Variants in ADCY5 observed in about 807,000 individuals in gnomAD.
ADCY5 encodes adenylate cyclase 5.
In ADCY5, 30 loss-of-function variants were observed where a neutral mutation model predicts 119.7. The ratio of observed to expected loss-of-function variants is 0.25; its 90% CI spans 0.19 to 0.34. The LOEUF (loss-of-function observed/expected upper bound fraction) is 0.34, where lower values mean the gene tolerates loss of function less well. ADCY5 is among the 10% of genes least tolerant of loss of function. ADCY5 has a pLI of 1.00. For synonymous variants in ADCY5, 753 were observed against 762.2 expected, an observed-to-expected ratio of 0.99 and a Z score of 0.20; for missense variants, 1,324 against 1,775.2, an observed-to-expected ratio of 0.75 and a Z score of 4.57.
chr3:123,407,012 C>T (rs2107617670), intron 1 of ADCY5, among the ~76,000 whole-genome samples: 1 of 152,300 alleles, frequency 6.6e-6, no homozygotes, highest in South Asian at 2.1e-4. Flanking sequence ...TGAAACCGTC[C>T]ACACCCAGAC....
At position 123,286,984 on chromosome 3, in the gene ADCY5, C is replaced by T; in HGVS notation, c.3533-175G>A. 1.2e-6 allele frequency: 1 copy of T among 833,760 alleles called. No homozygotes were observed. Among genetic ancestry groups the T allele is most frequent in the Non-Finnish European group, 1.7e-6 (1 of 572,626 alleles). The allele number at this position is 833,760 out of a possible 1,614,324, so 51.6% of individuals were successfully genotyped here. A position where few individuals can be genotyped will look rare whatever the true frequency, so the allele number is the denominator to read the frequency against. ...CCCGCTACCCTGCTCCTGTCAAATG[C>T]CTGTGAATGCAAGACACAAGGAGCC... is the stretch of plus-strand genomic sequence containing the variant. On this transcript the variant is annotated intron_variant, in intron 19 of 20. Coordinates refer to ENST00000462833, the MANE Select transcript of ADCY5 (RefSeq NM_183357.3). This position sits in a 1 kb window ranked among gnomAD's most constrained non-coding sequence, Gnocchi z 4.2.
rs763917420 is a variant in ADCY5 at position 123,447,819 on chromosome 3, T to C, written c.727A>G (p.Thr243Ala). 2 of 1,612,618 alleles carry C rather than the reference T, an allele frequency of 1.2e-6. No homozygotes were observed. The highest frequency in any genetic ancestry group is 2.2e-5 in the East Asian group (1 of 44,846). The change falls in exon 1 of 21, where the codon ACC (threonine) becomes GCC (alanine). Residue 243 changes from threonine to alanine, a missense_variant. This residue lies in a region of ADCY5 where 585 missense variants were observed against 569.9 expected (regional missense o/e 1.03). Transcript: ENST00000462833. ...YFFRLNQSSL[T>A]MLMAVLVLVC... ...AGCACCAGCACGGCCATGAGCATGG[T>C]GAGGCTGCTCTGGTTCAGGCGGAAG... is the stretch of plus-strand genomic sequence containing the variant.
chr3:123,284,354 A>C lies in ADCY5; in HGVS notation c.*254T>G. ...GTTAGAAAACTCAAGCTTCAGACCC[A>C]GTCTAGCAGAGTCTTCTACAGAGGG... On this transcript the variant is annotated 3_prime_UTR_variant, in exon 21 of 21. Transcript: ENST00000462833. The C allele has an allele frequency of 4.1e-6, 2 of 488,054 alleles. No individual in the cohort carries two copies. The highest frequency in any genetic ancestry group is 7.3e-6 in the Non-Finnish European group (2 of 272,682). 30.2% of individuals were successfully genotyped at this position (488,054 alleles called of 1,614,324 possible). A position where few individuals can be genotyped will look rare whatever the true frequency, so the allele number is the denominator to read the frequency against.
At position 123,325,267 on chromosome 3, in the gene ADCY5, A is replaced by G; in HGVS notation, c.2088+55T>C. 2.5e-6 allele frequency: 4 copies of G among 1,596,708 alleles called. No individual in the cohort carries two copies. The South Asian group carries it at 4.4e-5, about 18-fold the overall frequency. On this transcript the variant is annotated intron_variant, in intron 8 of 20. Transcript: ENST00000462833. ...CATCTGGTGCGGGCCTCATGCCCAC[A>G]GAAGGCCCTAGCCTTGGAGAGTGTT...
intron 1 of ADCY5, among the ~76,000 whole-genome samples, chr3:123,415,025 C>T (rs1429424683): frequency 1.3e-5 from 2 of 152,096 alleles, no homozygotes; most frequent in African/African-American, 4.8e-5. Context: ...CCCTTGGGTC[C>T]CTAGAGAGAA....
chr3:123,396,912 G>A (rs754632974), intron 1 of ADCY5, among the ~76,000 whole-genome samples: 33 of 151,990 alleles, frequency 2.2e-4, no homozygotes, highest in Non-Finnish European at 4.3e-4. Context: ...GGGCATGCAC[G>A]CCTGCGGGCA....
Position 123,325,472 on chromosome 3 carries a change from G to A in ADCY5, c.1948-10C>T, listed in dbSNP as rs754504160. 34 of 1,611,776 alleles carry A rather than the reference G, an allele frequency of 2.1e-5. No homozygotes were observed. Among genetic ancestry groups the A allele is most frequent in the Middle Eastern group, 1.6e-4 (1 of 6,084 alleles). ...TGGCCTTCTCTTCTTTCTGGAAGAC[G>A]AACACAGAGATGGGGGGAGATGAGG... On this transcript the variant is annotated splice_polypyrimidine_tract_variant and intron_variant, in intron 7 of 20. Transcript: ENST00000462833.
At chr3:123,411,257 T>C (rs114442694) in intron 1 of ADCY5, among the ~76,000 whole-genome samples, 2,873 of 152,220 alleles carry the variant, frequency 0.019, 79 homozygotes, top group African/African-American at 0.063. Flanking sequence ...CCATCCACCA[T>C]TGGGGTCCAC....
Position 123,286,663 on chromosome 3 carries a change from T to C in ADCY5, c.3657+22A>G. On this transcript the variant is annotated intron_variant, in intron 20 of 20. Transcript: ENST00000462833. The surrounding 1 kb of genome is among the most constrained non-coding windows in gnomAD (Gnocchi z 4.2). ...ACAGGACCTCCCATGGGGTGAGGGG[T>C]GGTGGATGCTCCTGCACTCACCTGG... The C allele has an allele frequency of 6.3e-7, 1 of 1,589,592 alleles. No individual in the cohort carries two copies. The highest frequency in any genetic ancestry group is 8.6e-7 in the Non-Finnish European group (1 of 1,169,474).
chr3:123,441,290 A>C (rs1945717251), intron 1 of ADCY5, among the ~76,000 whole-genome samples: 1 of 152,172 alleles, frequency 6.6e-6, no homozygotes, highest in African/African-American at 2.4e-5. Context: ...TTTTTCAAAA[A>C]CTTCCCAGGT....
intron 3 of ADCY5, among the ~76,000 whole-genome samples, chr3:123,336,394 A>C (rs1942026430): frequency 1.3e-5 from 2 of 152,246 alleles, no homozygotes; most frequent in Non-Finnish European, 2.9e-5. Flanking sequence ...GTCAAGGAGC[A>C]TGTTCAGTGA....
intron 1 of ADCY5, among the ~76,000 whole-genome samples, chr3:123,365,600 A>G (rs1031097306): frequency 6.6e-6 from 1 of 152,202 alleles, no homozygotes; most frequent in African/African-American, 2.4e-5. Flanking sequence ...GAAGTCCGGG[A>G]GGAGCTGGCT....
Position 123,325,345 on chromosome 3 carries a change from C to G in ADCY5, c.2065G>C (p.Val689Leu), listed in dbSNP as rs1210818223. ...PFYNHLGGNQ[V>L]SKEMKRMGFE... Reference sequence around the variant, plus strand: ...ACCATCCGCTTCATCTCCTTGGACACCTGGTTGCCACCCAGGTGGTTGTAG... The same window carrying G: ...ACCATCCGCTTCATCTCCTTGGACAGCTGGTTGCCACCCAGGTGGTTGTAG... The change falls in exon 8 of 21, where the codon GTG (valine) becomes CTG (leucine). Residue 689 changes from valine to leucine, a missense_variant. Physicochemically the swap from Val to Leu is conservative, Grantham distance 32. Coordinates refer to ENST00000462833, the MANE Select transcript of ADCY5 (RefSeq NM_183357.3). The G allele has an allele frequency of 6.2e-7, 1 of 1,614,156 alleles. No homozygotes were observed. Among genetic ancestry groups the G allele is most frequent in the Non-Finnish European group, 8.5e-7 (1 of 1,180,014 alleles).
chr3:123,300,178 C>T lies in ADCY5; in HGVS notation c.2842G>A (p.Glu948Lys), dbSNP rs926566476. The change falls in exon 15 of 21, where the codon GAG becomes AAG. Residue 948 changes from glutamate (E) to lysine (K), a missense_variant. Coordinates refer to ENST00000462833, the MANE Select transcript of ADCY5 (RefSeq NM_183357.3). ...TCGAAGAGCGTGACACCTGGCACCT[C>T]CACGATGAGCACGTAGATGAGCTCG... is the stretch of plus-strand genomic sequence containing the variant. The part of the protein sequence containing the change: ...AIELIYVLIV[E>K]VPGVTLFDNA... The T allele has an allele frequency of 1.2e-6, 2 of 1,613,864 alleles. No homozygotes were observed. The highest frequency in any genetic ancestry group is 1.7e-6 in the Non-Finnish European group (2 of 1,180,042).
In ADCY5 at chr3:123,416,597, G is replaced by A. The variant is rs1047927184; in HGVS notation, c.1134+30815C>T. On this transcript the variant is annotated intron_variant, in intron 1 of 20. Coordinates refer to ENST00000462833, the MANE Select transcript of ADCY5 (RefSeq NM_183357.3). ...GCCTGATAGAGGAAAATACCAACCCGTGGCTCTTACTATTCACAAACTCGC... is the reference window on the plus strand; with the variant it reads ...GCCTGATAGAGGAAAATACCAACCCATGGCTCTTACTATTCACAAACTCGC... Among the ~76,000 whole-genome samples the A allele has an allele frequency of 1.1e-4, 17 of 152,264 alleles. No homozygotes were observed. In the South Asian group the frequency reaches 1.2e-3, roughly 11 times the overall value.
chr3:123,438,245 G>A (rs186229350), intron 1 of ADCY5, among the ~76,000 whole-genome samples: 9 of 152,262 alleles, frequency 5.9e-5, no homozygotes, highest in East Asian at 3.9e-4. Context: ...AAAAGGCTTC[G>A]TGCCATAACC....
At chr3:123,392,956 G>GT (rs1482085341) in intron 1 of ADCY5, among the ~76,000 whole-genome samples, 1 of 152,158 alleles carries the variant, frequency 6.6e-6, no homozygotes, top group Non-Finnish European at 1.5e-5. Flanking sequence ...TCAGAAGGGG[G>GT]TCTCTACCAC....
At chr3:123,431,646 C>T (rs1945525083) in intron 1 of ADCY5, among the ~76,000 whole-genome samples, 1 of 152,160 alleles carries the variant, frequency 6.6e-6, no homozygotes, top group South Asian at 2.1e-4. Flanking sequence ...TGCACTAAGC[C>T]ATTTATCCAG....
intron 1 of ADCY5, among the ~76,000 whole-genome samples, chr3:123,413,271 T>C (rs1047641142): frequency 2.0e-5 from 3 of 152,140 alleles, no homozygotes; most frequent in African/African-American, 7.2e-5. Flanking sequence ...CACGGAACAT[T>C]TCCCCAAACC....
Sources: gnomAD v4.1 joint callset for allele counts (sites outside exome capture counted in the v4.1 genomes callset) on GRCh38, gnomAD v4.1.1 for gene constraint, gnomAD v4.1.1 regional missense constraint, Gnocchi (gnomAD v3.1) non-coding constraint, MANE v1.5 for transcripts, NCBI Gene and HGNC (gene_info 2026-07-23, HGNC 2026-07-21) for gene names.